Variants in CTNNA2 observed in about 807,000 individuals in gnomAD.
The protein encoded by CTNNA2 is catenin alpha-2.
In CTNNA2, 42 loss-of-function variants were observed where a neutral mutation model predicts 101.0. That is an observed-to-expected ratio of 0.42 (90% CI 0.32 to 0.54). The LOEUF is 0.54. Among genes scored for constraint, CTNNA2 ranks in the 20% least tolerant of loss-of-function variants. The pLI, the probability that CTNNA2 is intolerant of heterozygous loss-of-function variation, is 0.14. For missense variants in CTNNA2, 871 were observed against 1,223.1 expected, an observed-to-expected ratio of 0.71 and a Z score of 4.29; for synonymous variants, 450 against 456.4, an observed-to-expected ratio of 0.99 and a Z score of 0.18.
intron 1 of CTNNA2, among the ~76,000 whole-genome samples, chr2:79,525,028 T>G (rs1197614860): frequency 6.6e-6 from 1 of 151,950 alleles, no homozygotes; most frequent in East Asian, 1.9e-4. Flanking sequence ...CTAATGCCTG[T>G]GATAGTAAAC....
At chr2:79,805,539 C>A (rs1023862420) in intron 3 of CTNNA2, among the ~76,000 whole-genome samples, 1 of 152,078 alleles carries the variant, frequency 6.6e-6, no homozygotes, top group African/African-American at 2.4e-5. Flanking sequence ...TGCTCAACTT[C>A]TTTTATATTT....
intron 7 of CTNNA2, among the ~76,000 whole-genome samples, chr2:80,006,328 AATC>A (rs1203445972): frequency 2.6e-5 from 4 of 151,134 alleles, no homozygotes; most frequent in Non-Finnish European, 5.9e-5. Context: ...GTCATTTCAG[AATC>A]ATCATAACAT....
intron 2 of CTNNA2, among the ~76,000 whole-genome samples, chr2:79,714,024 G>C (rs1685912180): frequency 6.6e-6 from 1 of 152,120 alleles, no homozygotes; most frequent in African/African-American, 2.4e-5. Context: ...TTACGAAGTA[G>C]AGCAAGAACT....
At position 79,850,087 on chromosome 2, in the gene CTNNA2, AAGG is replaced by A. The variant is rs201144362; in HGVS notation, c.299-7923_299-7921del. Among the ~76,000 whole-genome samples, 1,411 of 152,170 alleles carry A rather than the reference AAGG, an allele frequency of 9.3e-3. 30 individuals are homozygous for A. The highest frequency in any genetic ancestry group is 0.032 in the African/African-American group (1,332 of 41,490). On this transcript the variant is annotated intron_variant, in intron 3 of 18. Coordinates refer to ENST00000402739, the MANE Select transcript of CTNNA2 (RefSeq NM_001282597.3). ...CAAATCATCCCTAACATGTGACAAT[AAGG>A]AGTGGTGGAGGCTGGGAATAATTGG...
At chr2:79,599,324 AAAAC>A in intron 1 of CTNNA2, among the ~76,000 whole-genome samples, 1 of 152,338 alleles carries the variant, frequency 6.6e-6, no homozygotes, top group African/African-American at 2.4e-5. Flanking sequence ...GATAATGAGA[AAAAC>A]AAACCTATAA....
intron 7 of CTNNA2, among the ~76,000 whole-genome samples, chr2:80,188,944 C>CTTTTTT (rs34090029): frequency 1.3e-5 from 1 of 74,686 alleles, no homozygotes; most frequent in Non-Finnish European, 2.3e-5. Context: ...CAGGTGGTCA[C>CTTTTTT]TTTTTTTTTT....
At chr2:80,183,495 A>G (rs1412599448) in intron 7 of CTNNA2, among the ~76,000 whole-genome samples, 1 of 152,206 alleles carries the variant, frequency 6.6e-6, no homozygotes, top group East Asian at 1.9e-4. Flanking sequence ...TGATACATTC[A>G]GATTTCTATG....
intron 9 of CTNNA2, among the ~76,000 whole-genome samples, chr2:80,544,124 G>A (rs2149627179): frequency 6.6e-6 from 1 of 152,190 alleles, no homozygotes; most frequent in African/African-American, 2.4e-5. Context: ...ATTCAGTCCA[G>A]CTGTTTGGGG....
At chr2:80,465,304 T>C (rs1684760833) in intron 9 of CTNNA2, among the ~76,000 whole-genome samples, 1 of 152,226 alleles carries the variant, frequency 6.6e-6, no homozygotes, top group Admixed American at 6.5e-5. Context: ...TATGTGCTTG[T>C]GAATAATTCC....
chr2:80,410,931 A>T (rs1679510722), intron 8 of CTNNA2, among the ~76,000 whole-genome samples: 1 of 152,214 alleles, frequency 6.6e-6, no homozygotes. Context: ...AAGAGTGAGA[A>T]TGCAAATTAG....
upstream of CTNNA2, among the ~76,000 whole-genome samples, chr2:79,511,556 ATTC>A (rs1285023533): frequency 9.9e-5 from 15 of 152,142 alleles, no homozygotes; most frequent in Non-Finnish European, 1.8e-4. Flanking sequence ...GCGTGCTAAG[ATTC>A]TTCTTAAGCC....
chr2:79,500,058 C>T (rs1356761373), intron 4 of CTNNA2, among the ~76,000 whole-genome samples: 2 of 152,204 alleles, frequency 1.3e-5, no homozygotes, highest in African/African-American at 4.8e-5. Context: ...TTCTTGTTTA[C>T]TCAAAGGTCA....
chr2:79,779,949 T>G (rs960285839), intron 3 of CTNNA2, among the ~76,000 whole-genome samples: 6 of 152,192 alleles, frequency 3.9e-5, no homozygotes. Context: ...TTGAAATTAC[T>G]GCTACAACAG....
At chr2:79,775,254 A>C (rs1287015086) in intron 3 of CTNNA2, among the ~76,000 whole-genome samples, 1 of 152,160 alleles carries the variant, frequency 6.6e-6, no homozygotes, top group East Asian at 1.9e-4. Context: ...GTTGTAGAGG[A>C]TACAGACAGA....
intron 8 of CTNNA2, among the ~76,000 whole-genome samples, chr2:80,398,744 G>A (rs909667216): frequency 6.6e-6 from 1 of 150,716 alleles, no homozygotes; most frequent in Non-Finnish European, 1.5e-5. Context: ...GCACGTGCCT[G>A]TAATCCCAGC....
chr2:80,590,497 A>G (rs1267268096), intron 15 of CTNNA2, among the ~76,000 whole-genome samples: 1 of 151,948 alleles, frequency 6.6e-6, no homozygotes, highest in African/African-American at 2.4e-5. Flanking sequence ...GGCATTTGTT[A>G]TTGAAATAAT....
At chr2:79,237,253 A>C (rs1674568867) in intron 2 of CTNNA2, among the ~76,000 whole-genome samples, 1 of 152,204 alleles carries the variant, frequency 6.6e-6, no homozygotes, top group Non-Finnish European at 1.5e-5. Flanking sequence ...AACCAGGTGC[A>C]TTATCTATAT....
rs1684774945 is a variant in CTNNA2 at position 79,897,201 on chromosome 2, ATC to A, written c.853-12391_853-12390del. Among the ~76,000 whole-genome samples, 7 of 152,264 alleles carry A rather than the reference ATC, an allele frequency of 4.6e-5. No homozygotes were observed. In the South Asian group the frequency reaches 1.4e-3, roughly 32 times the overall value. ...GAGAATTACTAGGTAAGAGTCCAGCATCTGAAACTTGTCGGGTCCTAGATAAT... is the reference window on the plus strand; with the variant it reads ...GAGAATTACTAGGTAAGAGTCCAGCATGAAACTTGTCGGGTCCTAGATAAT... On this transcript the variant is annotated intron_variant, in intron 6 of 18. Transcript: ENST00000402739.
chr2:79,644,124 GCC>G (rs1261734657), intron 1 of CTNNA2, among the ~76,000 whole-genome samples: 1 of 152,050 alleles, frequency 6.6e-6, no homozygotes, highest in African/African-American at 2.4e-5. Context: ...TGCAACCTCT[GCC>G]TACCGGGTTC....
Sources: allele counts gnomAD v4.1 joint callset (sites outside exome capture counted in the v4.1 genomes callset), GRCh38; gene constraint gnomAD v4.1.1; transcripts MANE v1.5; gene names NCBI Gene and HGNC (gene_info 2026-07-23, HGNC 2026-07-21).